Variants in NBAS observed in about 807,000 individuals in gnomAD.
NBAS encodes the protein NBAS subunit of NRZ tethering complex.
NBAS carries 219 observed loss-of-function variants against 302.5 expected under a neutral mutation model. The ratio of observed to expected loss-of-function variants is 0.72; its 90% CI spans 0.65 to 0.81. The LOEUF is 0.81. NBAS is among the 30% of genes least tolerant of loss of function. The probability of loss-of-function intolerance (pLI) is 0.00; values close to 1 mark genes in which losing one functional copy is unlikely to be tolerated. For missense variants in NBAS, 2,932 were observed against 2,841.6 expected (o/e 1.03, Z -0.72); for synonymous variants, 1,118 against 1,021.6 (o/e 1.09, Z -1.80).
At chr2:14,972,680 T>C in the NBAS span, among the ~76,000 whole-genome samples, 1 of 152,176 alleles carries the variant, frequency 6.6e-6, no homozygotes, top group Admixed American at 6.5e-5. Flanking sequence ...TAAGTCCAGA[T>C]CTCTATAATT....
At chr2:15,158,174 C>T in the NBAS span, among the ~76,000 whole-genome samples, 1 of 152,298 alleles carries the variant, frequency 6.6e-6, no homozygotes, top group South Asian at 2.1e-4. Flanking sequence ...ACAGCAATTA[C>T]CCTTTTCTGA....
At chr2:15,153,353 A>G in the NBAS span, among the ~76,000 whole-genome samples, 4 of 152,248 alleles carry the variant, frequency 2.6e-5, no homozygotes, top group Non-Finnish European at 4.4e-5. Context: ...ATGTGGTGCT[A>G]TCCCCTGAGA....
At chr2:15,332,705 T>C (rs980777925) in intron 35 of NBAS, among the ~76,000 whole-genome samples, 1 of 152,196 alleles carries the variant, frequency 6.6e-6, no homozygotes, top group Admixed American at 6.5e-5. Context: ...GCCTGTATAC[T>C]ATCAGGGCAA....
intron 21 of NBAS, among the ~76,000 whole-genome samples, chr2:15,436,924 G>A (rs1678045942): frequency 6.6e-6 from 1 of 152,122 alleles, no homozygotes; most frequent in African/African-American, 2.4e-5. Flanking sequence ...CAGGAGGATG[G>A]ACAGACTGAA....
chr2:14,998,217 T>G, the NBAS span, among the ~76,000 whole-genome samples: 1 of 152,230 alleles, frequency 6.6e-6, no homozygotes, highest in African/African-American at 2.4e-5. Context: ...GGTGGTTGTT[T>G]CTTCTTCCTT....
intron 9 of NBAS, among the ~76,000 whole-genome samples, chr2:15,514,366 A>G (rs1662287864): frequency 6.6e-6 from 1 of 152,202 alleles, no homozygotes; most frequent in African/African-American, 2.4e-5. Context: ...AAATAGAAAT[A>G]TAAGGGGTAA....
intron 45 of NBAS, among the ~76,000 whole-genome samples, chr2:15,236,527 CAAAAAAAAAAAAAAA>C (rs1167993098): frequency 7.1e-5 from 2 of 28,304 alleles, no homozygotes; most frequent in African/African-American, 1.0e-4. Flanking sequence ...GACCCTGTCT[CAAAAAAAAAAAAAAA>C]AAAAAAAAAA....
the NBAS span, among the ~76,000 whole-genome samples, chr2:15,065,496 C>T: frequency 6.6e-6 from 1 of 151,972 alleles, no homozygotes; most frequent in Admixed American, 6.6e-5. Context: ...TAGTAGAAAA[C>T]CATAAAAACT....
At chr2:15,294,463 C>T (rs889850997) in intron 40 of NBAS, among the ~76,000 whole-genome samples, 4 of 152,138 alleles carry the variant, frequency 2.6e-5, no homozygotes, top group Non-Finnish European at 5.9e-5. Context: ...AAGGGGATGC[C>T]GTGCCCCAGC....
the NBAS span, among the ~76,000 whole-genome samples, chr2:14,997,775 C>T: frequency 6.6e-6 from 1 of 152,120 alleles, no homozygotes; most frequent in South Asian, 2.1e-4. Flanking sequence ...CCTCATTTCC[C>T]CCAATCCCAG....
At chr2:15,507,989 TAAAC>T (rs3085643) in intron 10 of NBAS, among the ~76,000 whole-genome samples, 89,011 of 151,324 alleles carry the variant, frequency 0.59, 26,758 homozygotes, top group Middle Eastern at 0.62. Flanking sequence ...ACAGCAACCT[TAAAC>T]AAACAGTAAG....
the NBAS span, among the ~76,000 whole-genome samples, chr2:14,789,625 A>T: frequency 6.6e-6 from 1 of 152,224 alleles, no homozygotes; most frequent in East Asian, 1.9e-4. Flanking sequence ...CTTAGAGCAA[A>T]CACATGTAGG....
chr2:15,345,786 T>C (rs535961322), intron 35 of NBAS, among the ~76,000 whole-genome samples: 6 of 152,282 alleles, frequency 3.9e-5, no homozygotes, highest in Admixed American at 1.3e-4. Flanking sequence ...CAAAACAGCA[T>C]GGTCCTGGTA....
the NBAS span, among the ~76,000 whole-genome samples, chr2:14,965,783 C>T: frequency 8.0e-5 from 12 of 149,576 alleles, no homozygotes; most frequent in African/African-American, 2.7e-4. Context: ...AAAAAAAAAT[C>T]TAACAAATTG....
At chr2:15,546,546 T>C (rs1664124762) in intron 6 of NBAS, among the ~76,000 whole-genome samples, 2 of 152,230 alleles carry the variant, frequency 1.3e-5, no homozygotes, top group East Asian at 1.9e-4. Flanking sequence ...CTGACCAACA[T>C]GGTGAAACCC....
At chr2:15,354,285 G>A (rs956687958) in intron 33 of NBAS, among the ~76,000 whole-genome samples, 6 of 152,150 alleles carry the variant, frequency 3.9e-5, no homozygotes, top group Non-Finnish European at 7.3e-5. Context: ...GACAGTGACC[G>A]AATCACCCCC....
chr2:15,029,862 G>C, the NBAS span, among the ~76,000 whole-genome samples: 1 of 152,190 alleles, frequency 6.6e-6, no homozygotes, highest in African/African-American at 2.4e-5. Context: ...ATACAGGGAA[G>C]GTCAGGAGGC....
chr2:15,444,247 C>A (rs533058299), intron 21 of NBAS, among the ~76,000 whole-genome samples: 1 of 152,230 alleles, frequency 6.6e-6, no homozygotes, highest in South Asian at 2.1e-4. Context: ...TACCTGACTT[C>A]AAACTATACT....
At chr2:15,424,010 C>T (rs1355588424) in intron 23 of NBAS, among the ~76,000 whole-genome samples, 3 of 152,120 alleles carry the variant, frequency 2.0e-5, no homozygotes, top group Admixed American at 6.5e-5. Flanking sequence ...TATGTAGACA[C>T]GATCTTTTAA....
Sources: gnomAD v4.1 joint callset for allele counts (sites outside exome capture counted in the v4.1 genomes callset) on GRCh38, gnomAD v4.1.1 for gene constraint, MANE v1.5 for transcripts, NCBI Gene and HGNC (gene_info 2026-07-23, HGNC 2026-07-21) for gene names.